Variants in STX11 observed in about 807,000 individuals in gnomAD.
STX11 encodes the protein syntaxin-11.
Under a neutral mutation model 19.9 loss-of-function variants are expected in STX11, and 21 were observed. The observed-to-expected ratio is 1.06, with a 90% CI of 0.75 to 1.52. STX11 has a LOEUF of 1.52. Among genes scored for constraint, STX11 ranks in the 40% most tolerant of loss-of-function variants. The pLI, the probability that STX11 is intolerant of heterozygous loss-of-function variation, is 0.00. For synonymous variants in STX11, 193 were observed against 174.4 expected, an observed-to-expected ratio of 1.11 and a Z score of -0.84; for missense variants, 438 against 405.9, an observed-to-expected ratio of 1.08 and a Z score of -0.68.
rs1801069708 is a variant in STX11 at position 144,153,935 on chromosome 6, G to C, written c.-6+3232G>C. On this transcript the variant is annotated intron_variant, in intron 1 of 1. Transcript: ENST00000367568. The surrounding 1 kb of genome is among the most constrained non-coding windows in gnomAD (Gnocchi z 5.0). Reference sequence around the variant, plus strand: ...TCACACAGTACTTGGCACATAATCAGTGCTCATTAAGATTTTTCAAATGAA... The same window carrying C: ...TCACACAGTACTTGGCACATAATCACTGCTCATTAAGATTTTTCAAATGAA... Among the ~76,000 whole-genome samples the C allele has an allele frequency of 6.6e-6, 1 of 152,224 alleles. No individual in the cohort carries two copies. Among genetic ancestry groups the C allele is most frequent in the Non-Finnish European group, 1.5e-5 (1 of 68,034 alleles).
chr6:144,188,004 T>C lies in STX11; in HGVS notation c.*513T>C, dbSNP rs1802108330. 3.9e-6 allele frequency: 1 copy of C among 254,580 alleles called. No individual in the cohort carries two copies. Among genetic ancestry groups the C allele is most frequent in the South Asian group, 1.5e-4 (1 of 6,782 alleles). The allele number at this position is 254,580 out of a possible 1,614,324, so 15.8% of individuals were successfully genotyped here. On this transcript the variant is annotated 3_prime_UTR_variant, in exon 2 of 2. Coordinates refer to ENST00000367568, the MANE Select transcript of STX11 (RefSeq NM_003764.4). ...CCGATTCTTCATCCGGTCTACGCTA[T>C]GCAATTCCTCCCCAAATATAGATCT...
In STX11 at chr6:144,182,170, T is replaced by A. The variant is rs570679678; in HGVS notation, c.-5-4453T>A. 6.6e-6 allele frequency among the ~76,000 whole-genome samples: 1 copy of A among 152,374 alleles called. No homozygotes were observed. Among genetic ancestry groups the A allele is most frequent in the African/African-American group, 2.4e-5 (1 of 41,588 alleles). On this transcript the variant is annotated intron_variant, in intron 1 of 1. Coordinates refer to ENST00000367568, the MANE Select transcript of STX11 (RefSeq NM_003764.4). This position sits in a 1 kb window ranked among gnomAD's most constrained non-coding sequence, Gnocchi z 4.8. ...GTACAGAATCAAGCTATGGGATATATAGGTTATTTTGATTCTCTATTTGTG... is the reference window on the plus strand; with the variant it reads ...GTACAGAATCAAGCTATGGGATATAAAGGTTATTTTGATTCTCTATTTGTG...
Position 144,150,617 on chromosome 6 carries a change from G to A in STX11, c.-92G>A, listed in dbSNP as rs1222492065. 4.1e-6 allele frequency: 4 copies of A among 985,362 alleles called. No homozygotes were observed. Among genetic ancestry groups the A allele is most frequent in the East Asian group, 1.1e-4 (1 of 8,816 alleles). 61.0% of individuals were successfully genotyped at this position (985,362 alleles called of 1,614,324 possible). Reference sequence around the variant, plus strand: ...GGAGCCGCCGGGAGTCGCGCAACAGGTTTCCTTCTCCATCGCTGCGCCCAC... The same window carrying A: ...GGAGCCGCCGGGAGTCGCGCAACAGATTTCCTTCTCCATCGCTGCGCCCAC... On this transcript the variant is annotated 5_prime_UTR_variant, in exon 1 of 2. Transcript: ENST00000367568.
chr6:144,182,185 C>G lies in STX11; in HGVS notation c.-5-4438C>G, dbSNP rs761601399. 7.9e-5 allele frequency among the ~76,000 whole-genome samples: 12 copies of G among 152,204 alleles called. No individual in the cohort carries two copies. The highest frequency in any genetic ancestry group is 1.2e-4 in the Non-Finnish European group (8 of 68,026). On this transcript the variant is annotated intron_variant, in intron 1 of 1. Coordinates refer to ENST00000367568, the MANE Select transcript of STX11 (RefSeq NM_003764.4). The surrounding 1 kb of genome is among the most constrained non-coding windows in gnomAD (Gnocchi z 4.8). Reference sequence around the variant, plus strand: ...ATGGGATATATAGGTTATTTTGATTCTCTATTTGTGCCCACTTCTATATTT... The same window carrying G: ...ATGGGATATATAGGTTATTTTGATTGTCTATTTGTGCCCACTTCTATATTT...
Position 144,177,034 on chromosome 6 carries a change from G to A in STX11, c.-5-9589G>A, listed in dbSNP as rs1801794952. Among the ~76,000 whole-genome samples, 1 of 152,092 alleles carries A rather than the reference G, an allele frequency of 6.6e-6. No homozygotes were observed. On this transcript the variant is annotated intron_variant, in intron 1 of 1. Coordinates refer to ENST00000367568, the MANE Select transcript of STX11 (RefSeq NM_003764.4). This position sits in a 1 kb window ranked among gnomAD's most constrained non-coding sequence, Gnocchi z 4.4. ...ACCAGGCAATGAGACTAGAATAAGTGGCCCAAAGGACACTGTTTACAAGAA... is the reference window on the plus strand; with the variant it reads ...ACCAGGCAATGAGACTAGAATAAGTAGCCCAAAGGACACTGTTTACAAGAA...
Position 144,186,811 on chromosome 6 carries a change from G to A in STX11, c.184G>A (p.Val62Met), listed in dbSNP as rs776227989. The A allele has an allele frequency of 1.2e-6, 2 of 1,613,746 alleles. No homozygotes were observed. The highest frequency in any genetic ancestry group is 1.7e-6 in the Non-Finnish European group (2 of 1,180,000). ...QDENQLLVAD[V>M]KRLGKQNARF... ...TGAAAACCAGCTGCTGGTGGCCGAC[G>A]TGAAGCGGCTGGGAAAGCAGAACGC... The change falls in exon 2 of 2, where the codon GTG becomes ATG. Residue 62 changes from valine (V) to methionine (M), a missense_variant. Val to Met is a conservative substitution (Grantham distance 21). Coordinates refer to ENST00000367568, the MANE Select transcript of STX11 (RefSeq NM_003764.4).
intron 1 of STX11, among the ~76,000 whole-genome samples, chr6:144,167,000 GC>G (rs1177079753): frequency 6.6e-6 from 1 of 152,160 alleles, no homozygotes; most frequent in East Asian, 1.9e-4. Context: ...TCTGAGGGAT[GC>G]CCCTGGGAAG....
At position 144,151,157 on chromosome 6, in the gene STX11, C is replaced by T. The variant is rs1485041099; in HGVS notation, c.-6+454C>T. 1.2e-6 allele frequency: 1 copy of T among 861,862 alleles called. No homozygotes were observed. The highest frequency in any genetic ancestry group is 1.8e-5 in the African/African-American group (1 of 54,766). The allele number at this position is 861,862 out of a possible 1,614,324, so 53.4% of individuals were successfully genotyped here. On this transcript the variant is annotated intron_variant, in intron 1 of 1. Coordinates refer to ENST00000367568, the MANE Select transcript of STX11 (RefSeq NM_003764.4). The surrounding 1 kb of genome is among the most constrained non-coding windows in gnomAD (Gnocchi z 4.6). ...TCTTGACTTGAACTTGGCGGTGTCACTCAGTAGCCAGGAAAGACGGAGAAA... is the reference window on the plus strand; with the variant it reads ...TCTTGACTTGAACTTGGCGGTGTCATTCAGTAGCCAGGAAAGACGGAGAAA...
Position 144,152,665 on chromosome 6 carries a change from C to T in STX11, c.-6+1962C>T, listed in dbSNP as rs147476802. 1.1e-3 allele frequency among the ~76,000 whole-genome samples: 170 copies of T among 152,330 alleles called. 1 individual carries two copies. The highest frequency in any genetic ancestry group is 3.8e-3 in the African/African-American group (157 of 41,570). ...TTTTGTTTTTTGAGACAGAGTCTCA[C>T]TCTGTTGCCCCAGGCTGGAGTGTGG... On this transcript the variant is annotated intron_variant, in intron 1 of 1. Coordinates refer to ENST00000367568, the MANE Select transcript of STX11 (RefSeq NM_003764.4). The surrounding 1 kb of genome is among the most constrained non-coding windows in gnomAD (Gnocchi z 4.9).
chr6:144,166,525 C>CTTTT (rs1174123119), intron 1 of STX11, among the ~76,000 whole-genome samples: 2 of 125,532 alleles, frequency 1.6e-5, no homozygotes, highest in African/African-American at 3.1e-5. Flanking sequence ...CTTTTCTTTC[C>CTTTT]TTTTTTTTTT....
At position 144,172,921 on chromosome 6, in the gene STX11, C is replaced by G. The variant is rs748065069; in HGVS notation, c.-5-13702C>G. Among the ~76,000 whole-genome samples, 1 of 152,106 alleles carries G rather than the reference C, an allele frequency of 6.6e-6. No homozygotes were observed. Among genetic ancestry groups the G allele is most frequent in the Non-Finnish European group, 1.5e-5 (1 of 68,032 alleles). On this transcript the variant is annotated intron_variant, in intron 1 of 1. Transcript: ENST00000367568. This position sits in a 1 kb window ranked among gnomAD's most constrained non-coding sequence, Gnocchi z 4.2. ...AGAGCCATTAACAGGATACATATGA[C>G]AACCACTGGTCCATAGCAGTTCTGT... is the stretch of plus-strand genomic sequence containing the variant.
chr6:144,158,449 T>C (rs1378935236), intron 1 of STX11, among the ~76,000 whole-genome samples: 1 of 152,168 alleles, frequency 6.6e-6, no homozygotes, highest in East Asian at 1.9e-4. Context: ...AGATGGGGGA[T>C]GGGAATCAGT....
Position 144,187,503 on chromosome 6 carries a change from G to C in STX11, c.*12G>C. 1 of 1,611,716 alleles carries C rather than the reference G, an allele frequency of 6.2e-7. No individual in the cohort carries two copies. The highest frequency in any genetic ancestry group is 1.1e-5 in the South Asian group (1 of 91,004). Reference sequence around the variant, plus strand: ...CCTGCCTCAAGTAGCAGGCCGGCCCGGGCCGCCACCGCCCATCCCAGACCA... The same window carrying C: ...CCTGCCTCAAGTAGCAGGCCGGCCCCGGCCGCCACCGCCCATCCCAGACCA... On this transcript the variant is annotated 3_prime_UTR_variant, in exon 2 of 2. Transcript: ENST00000367568. This position sits in a 1 kb window ranked among gnomAD's most constrained non-coding sequence, Gnocchi z 5.6.
intron 1 of STX11, among the ~76,000 whole-genome samples, chr6:144,161,215 G>A (rs972555712): frequency 3.9e-5 from 6 of 152,148 alleles, no homozygotes; most frequent in Non-Finnish European, 8.8e-5. Context: ...GCAGAATGGA[G>A]TATTTTCTCT....
rs1801283946 is a variant in STX11 at position 144,159,669 on chromosome 6, G to C, written c.-6+8966G>C. On this transcript the variant is annotated intron_variant, in intron 1 of 1. Coordinates refer to ENST00000367568, the MANE Select transcript of STX11 (RefSeq NM_003764.4). This position sits in a 1 kb window ranked among gnomAD's most constrained non-coding sequence, Gnocchi z 4.3. ...ATGCACCATTACTAGAAGTTACTTT[G>C]TTAATATTTTAATATGTAATATACA... 6.6e-6 allele frequency among the ~76,000 whole-genome samples: 1 copy of C among 152,182 alleles called. No individual in the cohort carries two copies. The highest frequency in any genetic ancestry group is 2.1e-4 in the South Asian group (1 of 4,832).
In STX11 at chr6:144,155,942, C is replaced by CTA. The variant is rs1402425552; in HGVS notation, c.-6+5240_-6+5241insAT. 3.1e-4 allele frequency among the ~76,000 whole-genome samples: 1 copy of CTA among 3,264 alleles called. No individual in the cohort carries two copies. The highest frequency in any genetic ancestry group is 7.2e-4 in the Non-Finnish European group (1 of 1,388). The allele number at this position is 3,264 out of a possible 152,430, so 2.1% of individuals were successfully genotyped here. On this transcript the variant is annotated intron_variant, in intron 1 of 1. Transcript: ENST00000367568. The surrounding 1 kb of genome is among the most constrained non-coding windows in gnomAD (Gnocchi z 4.5). Reference sequence around the variant, plus strand: ...AATTAAATGTGTTTTAAAATTTAATCTTTCTTTCTTTCTTTCTTTCTTTCT... The same window carrying CTA: ...AATTAAATGTGTTTTAAAATTTAATCTATTTCTTTCTTTCTTTCTTTCTTTCT...
At position 144,191,754 on chromosome 6, in the gene STX11, C is replaced by G. The variant is rs900900096; in HGVS notation, c.*4263C>G. On this transcript the variant is annotated 3_prime_UTR_variant, in exon 2 of 2. Transcript: ENST00000367568. ...TCCTTTTGATAGCGGAGTTGAAAAT[C>G]ATTGCAATTAATAAAATGGGGCTAT... Among the ~76,000 whole-genome samples, 2 of 152,100 alleles carry G rather than the reference C, an allele frequency of 1.3e-5. No individual in the cohort carries two copies. Among genetic ancestry groups the G allele is most frequent in the African/African-American group, 4.8e-5 (2 of 41,394 alleles).
Position 144,176,088 on chromosome 6 carries a change from A to G in STX11, c.-5-10535A>G, listed in dbSNP as rs1349894277. On this transcript the variant is annotated intron_variant, in intron 1 of 1. Coordinates refer to ENST00000367568, the MANE Select transcript of STX11 (RefSeq NM_003764.4). This position sits in a 1 kb window ranked among gnomAD's most constrained non-coding sequence, Gnocchi z 4.1. ...GACAGGTTCTTCTTTTAGATTCACTAATTAGATAAGCAACTCCATGCCCCT... is the reference window on the plus strand; with the variant it reads ...GACAGGTTCTTCTTTTAGATTCACTGATTAGATAAGCAACTCCATGCCCCT... Among the ~76,000 whole-genome samples the G allele has an allele frequency of 6.6e-6, 1 of 152,194 alleles. No individual in the cohort carries two copies. Among genetic ancestry groups the G allele is most frequent in the Admixed American group, 6.5e-5 (1 of 15,286 alleles).
At chr6:144,147,065 T>A (rs1400220612), upstream of STX11, among the ~76,000 whole-genome samples, 2 of 152,156 alleles carry the variant, frequency 1.3e-5, no homozygotes, top group Non-Finnish European at 2.9e-5. The surrounding 1 kb of genome is among the most constrained non-coding windows in gnomAD (Gnocchi z 4.2). Flanking sequence ...CTCAAGAACA[T>A]TGCTCCAGCA....
Sources: gnomAD v4.1 joint callset for allele counts (sites outside exome capture counted in the v4.1 genomes callset) on GRCh38, gnomAD v4.1.1 for gene constraint, Gnocchi (gnomAD v3.1) non-coding constraint, MANE v1.5 for transcripts, NCBI Gene and HGNC (gene_info 2026-07-23, HGNC 2026-07-21) for gene names.